NCOR2: variants seen among roughly 807,000 people sequenced by gnomAD.
The protein encoded by NCOR2 is CTG repeat protein 26.
NCOR2 carries 81 observed loss-of-function variants against 262.9 expected under a neutral mutation model. That is an observed-to-expected ratio of 0.31 (90% confidence interval 0.26 to 0.37). The LOEUF (loss-of-function observed/expected upper bound fraction) is 0.37. Ranked by LOEUF, NCOR2 falls within the 10% of genes least tolerant of loss-of-function variation. NCOR2 has a pLI of 1.00. For missense variants in NCOR2, 3,385 were observed against 3,621.4 expected (o/e 0.93, Z 1.68); for synonymous variants, 1,659 against 1,559.3 (o/e 1.06, Z -1.51).
chr12:124,472,874 A>G (rs2046901197), intron 4 of NCOR2, 78 bp downstream of exon 6: 2 of 1,585,168 alleles, frequency 1.3e-6, no homozygotes. Flanking sequence ...GGCTTGGCAC[A>G]TGTCTGTGAC....
chr12:124,471,531 A>G (rs2046833937), intron 4 of NCOR2, among the ~76,000 whole-genome samples: 1 of 152,230 alleles, frequency 6.6e-6, no homozygotes, highest in South Asian at 2.1e-4. Flanking sequence ...TAATTCAAAT[A>G]ATGATGTCAC....
intron 29 of NCOR2, 125 bp from the exon 32 acceptor site, chr12:124,348,036 C>T (rs905793596): frequency 2.1e-5 from 31 of 1,466,008 alleles, no homozygotes; most frequent in Middle Eastern, 1.8e-4. Flanking sequence ...GGACCCAGCA[C>T]GGGAAGGTCC....
intron 33 of NCOR2, 23 bp from the exon 36 acceptor site, chr12:124,342,097 T>G: frequency 6.3e-7 from 1 of 1,591,640 alleles, no homozygotes; most frequent in Non-Finnish European, 8.6e-7. Flanking sequence ...GGGGAGCTCA[T>G]GTGAGGCCAG....
intron 42 of NCOR2, among the ~76,000 whole-genome samples, 176 bp from the exon 45 acceptor site, chr12:124,332,643 T>G (rs1780632091): frequency 1.3e-5 from 2 of 152,212 alleles, no homozygotes; most frequent in East Asian, 1.9e-4. Flanking sequence ...CCTCTGCGGT[T>G]CACCCGTCCT....
intron 3 of NCOR2, among the ~76,000 whole-genome samples, chr12:124,480,587 A>T (rs1473432480): frequency 6.6e-6 from 1 of 152,036 alleles, no homozygotes; most frequent in African/African-American, 2.4e-5. Context: ...CACCACCGCC[A>T]CCGTCTAGGT....
chr12:124,340,786 G>A, intron 34 of NCOR2, 35 bp from the exon 37 acceptor site: 1 of 1,480,836 alleles, frequency 6.8e-7, no homozygotes, highest in African/African-American at 1.4e-5. Flanking sequence ...TGTAGCCACA[G>A]GGAGGAGAGA....
At chr12:124,460,360 G>C (rs1374570476) in intron 5 of NCOR2, among the ~76,000 whole-genome samples, 1 of 152,204 alleles carries the variant, frequency 6.6e-6, no homozygotes, top group Non-Finnish European at 1.5e-5. Flanking sequence ...TCCCAGCCCA[G>C]AACCCTGTCC....
intron 1 of NCOR2, among the ~76,000 whole-genome samples, chr12:124,489,207 C>T (rs2047944874): frequency 6.6e-6 from 1 of 152,054 alleles, no homozygotes; most frequent in African/African-American, 2.4e-5. Context: ...GAAACCACCT[C>T]GCCACGTCTC....
At chr12:124,512,831 A>G (rs1324399760) in intron 1 of NCOR2, among the ~76,000 whole-genome samples, 1 of 152,160 alleles carries the variant, frequency 6.6e-6, no homozygotes, top group African/African-American at 2.4e-5. Context: ...TACAGGAAAC[A>G]AGGGACTCTC....
At chr12:124,416,478 G>A (rs2042863784) in intron 13 of NCOR2, among the ~76,000 whole-genome samples, 1 of 152,198 alleles carries the variant, frequency 6.6e-6, no homozygotes, top group Non-Finnish European at 1.5e-5. Context: ...ATTCTACGGA[G>A]TCTTCAAGGA....
At chr12:124,350,447 A>C in intron 28 of NCOR2, 140 bp downstream of exon 30, 5 of 1,073,344 alleles carry the variant, frequency 4.7e-6, no homozygotes, top group Non-Finnish European at 6.7e-6. Context: ...TGGCTTGCAT[A>C]CCTGCAGGGA....
intron 14 of NCOR2, among the ~76,000 whole-genome samples, chr12:124,401,485 C>T (rs185236925): frequency 5.9e-5 from 9 of 152,306 alleles, no homozygotes; most frequent in African/African-American, 9.6e-5. Flanking sequence ...CCATTTTATT[C>T]GCCACAGAGG....
chr12:124,473,065 G>A, exon 4 of NCOR2: 1 of 1,614,110 alleles, frequency 6.2e-7, no homozygotes, highest in Non-Finnish European at 8.5e-7. Context: ...ACCAGCTCCA[G>A]CTCAGGGTCA....
At chr12:124,333,505 A>G (rs2035418581) in intron 41 of NCOR2, among the ~76,000 whole-genome samples, 1 of 151,976 alleles carries the variant, frequency 6.6e-6, no homozygotes. Flanking sequence ...TTAGTTCATG[A>G]ATTGTACAAA....
At chr12:124,335,350 C>T (rs2035787958) in intron 39 of NCOR2, 70 bp from the exon 42 acceptor site, 10 of 1,502,984 alleles carry the variant, frequency 6.7e-6, no homozygotes, top group Non-Finnish European at 8.9e-6. Flanking sequence ...AATCCCAGCC[C>T]CATGCCTTTG....
rs139798781 is a variant in NCOR2 at position 124,430,345 on chromosome 12, G to A, written c.1055+270C>T. Reference sequence around the variant, plus strand: ...TCAAACTCAGCTGCCTTCAGGGGTCGTGCAGGCCCCAGAAATGAGTGAAGC... The same window carrying A: ...TCAAACTCAGCTGCCTTCAGGGGTCATGCAGGCCCCAGAAATGAGTGAAGC... On this transcript the variant is annotated intron_variant, in intron 9 of 46. Coordinates refer to ENST00000405201, the Ensembl canonical transcript of NCOR2. 2.3e-3 allele frequency among the ~76,000 whole-genome samples: 343 copies of A among 152,300 alleles called. 2 individuals are homozygous for A. Among genetic ancestry groups the A allele is most frequent in the African/African-American group, 7.4e-3 (306 of 41,566 alleles).
rs988102105 is a variant in NCOR2, at chr12:124,389,021, G to A, written c.1877-3134C>T. Among the ~76,000 whole-genome samples the A allele has an allele frequency of 6.6e-6, 1 of 152,132 alleles. No homozygotes were observed. The highest frequency in any genetic ancestry group is 2.4e-5 in the African/African-American group (1 of 41,446). ...TCCAGCGGCCGCTGCCACCTCTGAC[G>A]CCGTCCCCAAGCCGCTGTGGGCGCG... On this transcript the variant is annotated intron_variant, in intron 16 of 46. Transcript: ENST00000405201. This position sits in a 1 kb window ranked among gnomAD's most constrained non-coding sequence, Gnocchi z 4.4.
rs1490312737 is a variant in NCOR2 at position 124,340,456 on chromosome 12, A to G, written c.5339-13T>C. On this transcript the variant is annotated splice_polypyrimidine_tract_variant and intron_variant, in intron 35 of 46. Coordinates refer to ENST00000405201, the Ensembl canonical transcript of NCOR2. The stretch of plus-strand genomic sequence containing the variant: ...TGTGTTGGACCTCCTAGGAAACCCA[A>G]AGGCCAGAGACTCAGCCCCAGGGCC... 2 of 1,610,500 alleles carry G rather than the reference A, an allele frequency of 1.2e-6. No individual in the cohort carries two copies. Among genetic ancestry groups the G allele is most frequent in the Middle Eastern group, 1.7e-4 (1 of 6,056 alleles).
rs1035035355 is a variant in NCOR2, at chr12:124,343,054, G to C, written c.4887C>G (p.Pro1629=). The C allele has an allele frequency of 1.9e-6, 3 of 1,612,444 alleles. No individual in the cohort carries two copies. In the African/African-American group the frequency reaches 4.0e-5, roughly 21 times the overall value. ...GTATGGAGGTGGGGTCGAAGGCCAGGGGGATGTGGCTGCGATACAGGTCCA... is the reference window on the plus strand; with the variant it reads ...GTATGGAGGTGGGGTCGAAGGCCAGCGGGATGTGGCTGCGATACAGGTCCA... Residue 1629 remains proline, a synonymous_variant, in exon 33 of 47, where the codon CCC becomes CCG. Coordinates refer to ENST00000405201, the Ensembl canonical transcript of NCOR2.
Sources: allele counts gnomAD v4.1 joint callset (sites outside exome capture counted in the v4.1 genomes callset), GRCh38; gene constraint gnomAD v4.1.1; non-coding constraint Gnocchi (gnomAD v3.1); transcripts MANE v1.5; gene names NCBI Gene and HGNC (gene_info 2026-07-23, HGNC 2026-07-21).